Variants in TCF20 observed in about 807,000 individuals in gnomAD.
TCF20 encodes SPRE-binding protein.
TCF20 carries 3 observed loss-of-function variants against 148.6 expected under a neutral mutation model. That is an observed-to-expected ratio of 0.02 (90% CI 0.01 to 0.05). TCF20 has a LOEUF of 0.05. Among genes scored for constraint, TCF20 ranks in the 10% least tolerant of loss-of-function variants. The pLI, the probability that TCF20 is intolerant of heterozygous loss-of-function variation, is 1.00. For synonymous variants in TCF20, 1,049 were observed against 909.5 expected, an observed-to-expected ratio of 1.15 and a Z score of -2.76; for missense variants, 2,350 against 2,429.3, an observed-to-expected ratio of 0.97 and a Z score of 0.69.
chr22:42,309,326 G>A (rs1392372267), intron 1 of TCF20, among the ~76,000 whole-genome samples: 1 of 152,032 alleles, frequency 6.6e-6, no homozygotes, highest in African/African-American at 2.4e-5. Context: ...AGGGAACAGG[G>A]TAGGCTAGAC....
At chr22:42,335,626 G>A (rs555454331) in intron 1 of TCF20, among the ~76,000 whole-genome samples, 1 of 152,198 alleles carries the variant, frequency 6.6e-6, no homozygotes, top group Non-Finnish European at 1.5e-5. Context: ...CAGACAGCAG[G>A]GGGGCAGAGA....
At chr22:42,331,953 G>A (rs745611658) in intron 1 of TCF20, among the ~76,000 whole-genome samples, 3 of 152,182 alleles carry the variant, frequency 2.0e-5, no homozygotes, top group Non-Finnish European at 4.4e-5. Context: ...CCACTCATCC[G>A]CTCAACAAAT....
At chr22:42,189,782 C>T (rs768827232) in intron 2 of TCF20, among the ~76,000 whole-genome samples, 2 of 152,176 alleles carry the variant, frequency 1.3e-5, no homozygotes, top group Non-Finnish European at 2.9e-5. Flanking sequence ...GAAACTGTTC[C>T]AGTTAGTTTA....
chr22:42,323,856 G>T (rs1284742378), intron 1 of TCF20, among the ~76,000 whole-genome samples: 1 of 140,186 alleles, frequency 7.1e-6, no homozygotes, highest in Non-Finnish European at 1.6e-5. Context: ...TGGTGATGGA[G>T]GTTATGGTGG....
intron 2 of TCF20, among the ~76,000 whole-genome samples, chr22:42,202,310 A>G (rs1386698522): frequency 6.6e-6 from 1 of 152,248 alleles, no homozygotes; most frequent in African/African-American, 2.4e-5. Flanking sequence ...AACTGTTGAA[A>G]TGTGCCAAAC....
At chr22:42,190,480 C>T (rs1937275082) in intron 2 of TCF20, among the ~76,000 whole-genome samples, 1 of 137,240 alleles carries the variant, frequency 7.3e-6, no homozygotes, top group African/African-American at 2.6e-5. Context: ...ACACACACAC[C>T]CTGCACATAC....
chr22:42,226,032 A>G (rs1414386410), intron 1 of TCF20, among the ~76,000 whole-genome samples: 1 of 152,236 alleles, frequency 6.6e-6, no homozygotes, highest in African/African-American at 2.4e-5. Flanking sequence ...AGGAGATGCT[A>G]TAAATCTGCT....
intron 1 of TCF20, among the ~76,000 whole-genome samples, chr22:42,306,916 G>A (rs2147038453): frequency 6.6e-6 from 1 of 152,022 alleles, no homozygotes; most frequent in African/African-American, 2.4e-5. Context: ...GCACGCTCCT[G>A]TAATCCCAGC....
intron 3 of TCF20, among the ~76,000 whole-genome samples, chr22:42,173,853 C>T (rs373272317): frequency 6.6e-6 from 1 of 152,126 alleles, no homozygotes; most frequent in African/African-American, 2.4e-5. Context: ...AGCCAGAGGC[C>T]GACAGCCCTA....
intron 2 of TCF20, among the ~76,000 whole-genome samples, chr22:42,205,121 T>A (rs1347095885): frequency 6.6e-6 from 1 of 152,218 alleles, no homozygotes; most frequent in East Asian, 1.9e-4. Context: ...TACCAAGTTA[T>A]ATCCATACCC....
At chr22:42,328,234 G>A (rs1411154672) in intron 1 of TCF20, among the ~76,000 whole-genome samples, 4 of 151,822 alleles carry the variant, frequency 2.6e-5, no homozygotes, top group African/African-American at 7.3e-5. Flanking sequence ...CCACGTGTCC[G>A]CTCCAGCCAG....
chr22:42,241,886 A>G (rs1924435575), intron 1 of TCF20, among the ~76,000 whole-genome samples: 1 of 151,944 alleles, frequency 6.6e-6, no homozygotes, highest in South Asian at 2.1e-4. Flanking sequence ...AAACAGGTCA[A>G]AGTAATCTAC....
intron 1 of TCF20, among the ~76,000 whole-genome samples, chr22:42,216,398 A>AC (rs1422113064): frequency 6.6e-6 from 1 of 152,180 alleles, no homozygotes; most frequent in Non-Finnish European, 1.5e-5. Flanking sequence ...TTGCAGCTTT[A>AC]CTATAATTGC....
At chr22:42,222,064 T>C (rs1185861542) in intron 1 of TCF20, among the ~76,000 whole-genome samples, 10 of 152,174 alleles carry the variant, frequency 6.6e-5, no homozygotes, top group Non-Finnish European at 1.5e-4. Context: ...TTAATGACCA[T>C]GCAGAGACAG....
At chr22:42,269,817 C>T (rs902111576) in intron 1 of TCF20, 1 of 152,494 alleles carries the variant, frequency 6.6e-6, no homozygotes, top group Non-Finnish European at 1.5e-5. Flanking sequence ...AGTAAACGGG[C>T]CCCTGCTCTC....
chr22:42,161,972 C>CTTTTTTTTTTTTTT lies in TCF20; in HGVS notation c.*45-628_*45-615dup, dbSNP rs3045573. On this transcript the variant is annotated intron_variant, in intron 5 of 5. Coordinates refer to ENST00000677622, the MANE Select transcript of TCF20 (RefSeq NM_001378418.1). ...GCCACCATGCTTGGCTAATGACAGT[C>CTTTTTTTTTTTTTT]TTTTTTTTTTTTTTTTTTTTTTTTT... 4.0e-4 allele frequency among the ~76,000 whole-genome samples: 30 copies of CTTTTTTTTTTTTTT among 75,022 alleles called. 4 individuals are homozygous for CTTTTTTTTTTTTTT. The highest frequency in any genetic ancestry group is 1.6e-3 in the African/African-American group (25 of 15,658). The allele number at this position is 75,022 out of a possible 152,430, so 49.2% of individuals were successfully genotyped here. A position where few individuals can be genotyped will look rare whatever the true frequency, so the allele number is the denominator to read the frequency against.
At chr22:42,291,482 C>T (rs964709690) in intron 1 of TCF20, among the ~76,000 whole-genome samples, 2 of 152,204 alleles carry the variant, frequency 1.3e-5, no homozygotes, top group Admixed American at 6.5e-5. Flanking sequence ...GGCTGCCCCT[C>T]GGCAAAGCAG....
At chr22:42,334,175 C>T (rs1264148364) in intron 1 of TCF20, among the ~76,000 whole-genome samples, 1 of 152,194 alleles carries the variant, frequency 6.6e-6, no homozygotes, top group Non-Finnish European at 1.5e-5. Context: ...GGAAATCAGA[C>T]TGGTGGCAAC....
chr22:42,305,226 G>A (rs1484486639), intron 1 of TCF20, among the ~76,000 whole-genome samples: 1 of 152,122 alleles, frequency 6.6e-6, no homozygotes, highest in African/African-American at 2.4e-5. Flanking sequence ...GTAAGAATCA[G>A]TTCAAGAGCT....
Sources: gnomAD v4.1 joint callset for allele counts (sites outside exome capture counted in the v4.1 genomes callset) on GRCh38, gnomAD v4.1.1 for gene constraint, MANE v1.5 for transcripts, NCBI Gene and HGNC (gene_info 2026-07-23, HGNC 2026-07-21) for gene names.